The following PTPN14 variants were observed in gnomAD, a reference collection of about 807,000 sequenced individuals.
PTPN14 encodes tyrosine-protein phosphatase non-receptor type 14.
PTPN14 carries 53 observed loss-of-function variants against 126.8 expected under a neutral mutation model. That is an observed-to-expected ratio of 0.42 (90% CI 0.34 to 0.53). PTPN14 has a LOEUF of 0.53. Among genes scored for constraint, PTPN14 ranks in the 20% least tolerant of loss-of-function variants. The pLI, the probability that PTPN14 is intolerant of heterozygous loss-of-function variation, is 0.08. For synonymous variants in PTPN14, 630 were observed against 599.3 expected, an observed-to-expected ratio of 1.05 and a Z score of -0.75; for missense variants, 1,257 against 1,552.9, an observed-to-expected ratio of 0.81 and a Z score of 3.20.
chr1:214,487,633 C>A (rs1188915535), intron 1 of PTPN14, among the ~76,000 whole-genome samples: 8 of 137,390 alleles, frequency 5.8e-5, no homozygotes, highest in Non-Finnish European at 6.3e-5. Context: ...GACTCCGTCT[C>A]AAAAAAAAAA....
intron 1 of PTPN14, chr1:214,533,286 G>A: frequency 1.7e-6 from 1 of 593,564 alleles, no homozygotes; most frequent in South Asian, 1.5e-5. Context: ...TGAACATCAA[G>A]GCCAAGCTGG....
At chr1:214,516,874 TCCCCACCCCA>T (rs1300246874) in intron 1 of PTPN14, among the ~76,000 whole-genome samples, 1 of 151,946 alleles carries the variant, frequency 6.6e-6, no homozygotes, top group East Asian at 1.9e-4. Context: ...CAATTCCTGT[TCCCCACCCCA>T]CCCCACTCCA....
chr1:214,431,376 TACTACAAAGTGTGC>T (rs767108444), intron 3 of PTPN14, among the ~76,000 whole-genome samples: 9,558 of 152,264 alleles, frequency 0.063, 376 homozygotes, highest in South Asian at 0.15. Context: ...TAGTGTTAGG[TACTACAAAGTGTGC>T]TTTTCTGTTT....
chr1:214,412,295 T>C (rs975764592), intron 4 of PTPN14, among the ~76,000 whole-genome samples: 15 of 152,220 alleles, frequency 9.9e-5, no homozygotes, highest in Non-Finnish European at 7.3e-5. Context: ...TTTGAGCACA[T>C]GCAAAATGAA....
intron 1 of PTPN14, among the ~76,000 whole-genome samples, chr1:214,550,913 G>A (rs1380990528): frequency 6.6e-6 from 1 of 152,218 alleles, no homozygotes; most frequent in East Asian, 1.9e-4. Context: ...AGGGGACCAG[G>A]GTGTGGGTTT....
At chr1:214,429,928 C>T (rs1233430699) in intron 3 of PTPN14, among the ~76,000 whole-genome samples, 4 of 151,982 alleles carry the variant, frequency 2.6e-5, no homozygotes, top group Non-Finnish European at 5.9e-5. Context: ...AATATTTTTC[C>T]TTAATGACCT....
chr1:214,481,909 C>T (rs1024425310), intron 1 of PTPN14, among the ~76,000 whole-genome samples: 12 of 151,688 alleles, frequency 7.9e-5, no homozygotes, highest in Non-Finnish European at 1.3e-4. Context: ...ATGGCGTGAA[C>T]CCAGGAGGCA....
At chr1:214,514,194 C>T (rs749827637) in intron 1 of PTPN14, among the ~76,000 whole-genome samples, 12 of 152,256 alleles carry the variant, frequency 7.9e-5, no homozygotes, top group Admixed American at 3.9e-4. Context: ...CATATAACCT[C>T]AGGGGGCAAA....
chr1:214,550,336 A>C (rs1571665828), intron 1 of PTPN14, among the ~76,000 whole-genome samples: 1 of 152,302 alleles, frequency 6.6e-6, no homozygotes. Context: ...TTCACAAAGA[A>C]CCTGCGACAG....
intron 1 of PTPN14, among the ~76,000 whole-genome samples, chr1:214,548,253 C>T (rs776594164): frequency 6.6e-6 from 1 of 152,194 alleles, no homozygotes; most frequent in Non-Finnish European, 1.5e-5. Context: ...CAAACCTGGA[C>T]CGCCTGCTCC....
At chr1:214,457,995 C>CTATATA (rs1660419595) in intron 2 of PTPN14, among the ~76,000 whole-genome samples, 1 of 2,620 alleles carries the variant, frequency 3.8e-4, no homozygotes, top group African/African-American at 2.1e-3. Context: ...ACAGTTTCAT[C>CTATATA]TATATCTATA....
At chr1:214,373,425 C>T (rs1392645728) in intron 15 of PTPN14, among the ~76,000 whole-genome samples, 3 of 152,174 alleles carry the variant, frequency 2.0e-5, no homozygotes, top group Admixed American at 1.3e-4. Flanking sequence ...CACATACACA[C>T]ATGTATAGAT....
Position 214,483,917 on chromosome 1 carries a change from A to G in PTPN14, c.-154-18960T>C, listed in dbSNP as rs544470189. ...CAGAGCAGGCCAGTTGGATTTTCCC[A>G]TAAAATCTGCATTTGAAAGAAAAGA... On this transcript the variant is annotated intron_variant, in intron 1 of 18. Coordinates refer to ENST00000366956, the MANE Select transcript of PTPN14 (RefSeq NM_005401.5). 3.3e-5 allele frequency among the ~76,000 whole-genome samples: 5 copies of G among 152,380 alleles called. No individual in the cohort carries two copies. The South Asian group carries it at 1.0e-3, about 32-fold the overall frequency.
intron 2 of PTPN14, among the ~76,000 whole-genome samples, chr1:214,459,372 C>T (rs1211413738): frequency 1.3e-5 from 2 of 151,686 alleles, no homozygotes; most frequent in Admixed American, 1.3e-4. Context: ...AGGCTGGTCT[C>T]GAACTCCTGA....
At chr1:214,392,057 A>T (rs1052357779) in intron 10 of PTPN14, among the ~76,000 whole-genome samples, 11 of 152,196 alleles carry the variant, frequency 7.2e-5, no homozygotes, top group Non-Finnish European at 2.9e-5. Context: ...CCTCTGGAGA[A>T]GGATGCTGCT....
intron 1 of PTPN14, chr1:214,529,189 T>C (rs1446296573): frequency 1.3e-5 from 2 of 152,182 alleles, no homozygotes; most frequent in Non-Finnish European, 2.9e-5. Flanking sequence ...TGGTGGCGCA[T>C]GTCTGTAGCC....
chr1:214,528,637 C>G (rs1655459950), intron 1 of PTPN14: 1 of 151,998 alleles, frequency 6.6e-6, no homozygotes, highest in Non-Finnish European at 1.5e-5. Context: ...ACTTTAAGAA[C>G]TGAGGTATGG....
At chr1:214,408,268 G>A (rs539445419) in intron 5 of PTPN14, among the ~76,000 whole-genome samples, 1 of 152,282 alleles carries the variant, frequency 6.6e-6, no homozygotes, top group East Asian at 1.9e-4. Context: ...TGCTTGGGGT[G>A]AAAGAGTTGA....
rs575040334 is a variant in PTPN14 at position 214,370,308 on chromosome 1, C to T, written c.3037-617G>A. On this transcript the variant is annotated intron_variant, in intron 16 of 18. Coordinates refer to ENST00000366956, the MANE Select transcript of PTPN14 (RefSeq NM_005401.5). Reference sequence around the variant, plus strand: ...AAAAAAAAAAAAAAGAAAAAAGAAACGAAGGTCTTCGGGGTGGCTGGAGTG... The same window carrying T: ...AAAAAAAAAAAAAAGAAAAAAGAAATGAAGGTCTTCGGGGTGGCTGGAGTG... 4.0e-5 allele frequency among the ~76,000 whole-genome samples: 6 copies of T among 150,014 alleles called. No individual in the cohort carries two copies. In the East Asian group the frequency reaches 9.8e-4, roughly 24 times the overall value.
Sources: gnomAD v4.1 joint callset for allele counts (sites outside exome capture counted in the v4.1 genomes callset) on GRCh38, gnomAD v4.1.1 for gene constraint, MANE v1.5 for transcripts, NCBI Gene and HGNC (gene_info 2026-07-23, HGNC 2026-07-21) for gene names.